ENTREP2: variants seen among roughly 807,000 people sequenced by gnomAD.
The protein encoded by ENTREP2 is endosomal transmembrane epsin interactor 2.
At chr15:29,250,782 T>C in the ENTREP2 span, among the ~76,000 whole-genome samples, 1 of 152,178 alleles carries the variant, frequency 6.6e-6, no homozygotes, top group Non-Finnish European at 1.5e-5. Flanking sequence ...GAATACAAGA[T>C]GGCAAGTTAT....
chr15:29,136,311 C>T, the ENTREP2 span: 33,717 of 1,440,624 alleles, frequency 0.023, 475 homozygotes, highest in Non-Finnish European at 0.027. Context: ...CAGGCCGGGA[C>T]GGTGTCCCTA....
chr15:29,672,277 C>T, the ENTREP2 span, among the ~76,000 whole-genome samples: 16 of 152,106 alleles, frequency 1.1e-4, no homozygotes, highest in Admixed American at 2.6e-4. Flanking sequence ...CATGAGCCAC[C>T]GCGCCCGGTT....
the ENTREP2 span, among the ~76,000 whole-genome samples, chr15:29,170,195 C>A: frequency 2.7e-4 from 41 of 150,962 alleles, no homozygotes; most frequent in South Asian, 6.7e-3. Context: ...GTAGTCCCAG[C>A]TACTCAGGAG....
chr15:29,621,442 G>C, the ENTREP2 span, among the ~76,000 whole-genome samples: 205 of 140,846 alleles, frequency 1.5e-3, 1 homozygote, highest in African/African-American at 5.1e-3. Context: ...AGAATGGCGT[G>C]AACCCAGGAG....
chr15:29,530,197 G>C, the ENTREP2 span, among the ~76,000 whole-genome samples: 6 of 152,128 alleles, frequency 3.9e-5, 1 homozygote, highest in African/African-American at 1.4e-4. Flanking sequence ...TCCACCTGCA[G>C]CTGCCTTCTC....
At chr15:29,530,097 A>G in the ENTREP2 span, among the ~76,000 whole-genome samples, 15 of 152,114 alleles carry the variant, frequency 9.9e-5, no homozygotes, top group African/African-American at 3.6e-4. Context: ...TTTCCCGCTC[A>G]CATCTCCCAT....
the ENTREP2 span, among the ~76,000 whole-genome samples, chr15:29,411,295 A>G: frequency 6.6e-6 from 1 of 152,154 alleles, no homozygotes; most frequent in Non-Finnish European, 1.5e-5. Flanking sequence ...TGTATTCCAG[A>G]GTGGTCCCAC....
the ENTREP2 span, among the ~76,000 whole-genome samples, chr15:29,176,131 T>A: frequency 2.4e-4 from 36 of 151,876 alleles, no homozygotes; most frequent in African/African-American, 8.5e-4. Context: ...AGTACTTGGT[T>A]AATGTTCATA....
the ENTREP2 span, among the ~76,000 whole-genome samples, chr15:29,471,445 A>G: frequency 2.0e-5 from 3 of 152,220 alleles, no homozygotes; most frequent in African/African-American, 7.2e-5. Flanking sequence ...TAGGCACAGG[A>G]GAGAACAGAA....
chr15:29,548,426 G>C, the ENTREP2 span, among the ~76,000 whole-genome samples: 1 of 149,572 alleles, frequency 6.7e-6, no homozygotes, highest in African/African-American at 2.5e-5. Context: ...CTGCACTCCA[G>C]CCTGGGCAAG....
At chr15:29,376,590 T>A in the ENTREP2 span, 1 of 151,068 alleles carries the variant, frequency 6.6e-6, no homozygotes, top group Non-Finnish European at 1.5e-5. Flanking sequence ...ACACACAGCA[T>A]TTCCCTTCTT....
At chr15:29,655,603 T>TA in the ENTREP2 span, among the ~76,000 whole-genome samples, 1 of 152,158 alleles carries the variant, frequency 6.6e-6, no homozygotes, top group Admixed American at 6.5e-5. Flanking sequence ...AAATTTAAGA[T>TA]AACTATTATT....
chr15:29,368,477 C>T, the ENTREP2 span, among the ~76,000 whole-genome samples: 9 of 151,060 alleles, frequency 6.0e-5, no homozygotes, highest in African/African-American at 1.7e-4. Flanking sequence ...GTTATTTAAA[C>T]GTATTAAAAG....
chr15:29,272,870 G>A, the ENTREP2 span, among the ~76,000 whole-genome samples: 41 of 152,198 alleles, frequency 2.7e-4, no homozygotes, highest in African/African-American at 8.9e-4. Context: ...AACCCTGACT[G>A]CATGTCTTCC....
At chr15:29,479,576 G>C in the ENTREP2 span, among the ~76,000 whole-genome samples, 1 of 151,824 alleles carries the variant, frequency 6.6e-6, no homozygotes, top group African/African-American at 2.4e-5. Flanking sequence ...ACCCCTAAGG[G>C]CTACTGTGAA....
the ENTREP2 span, among the ~76,000 whole-genome samples, chr15:29,428,296 C>T: frequency 2.0e-5 from 3 of 152,184 alleles, no homozygotes; most frequent in Non-Finnish European, 2.9e-5. Flanking sequence ...TCACTGCAAC[C>T]GCTGCCCCAT....
At chr15:29,147,636 T>G in the ENTREP2 span, among the ~76,000 whole-genome samples, 1 of 152,116 alleles carries the variant, frequency 6.6e-6, no homozygotes, top group Non-Finnish European at 1.5e-5. Context: ...TGGTTACAAT[T>G]AAAAGAAAGA....
At chr15:29,308,025 G>A in the ENTREP2 span, among the ~76,000 whole-genome samples, 1 of 152,130 alleles carries the variant, frequency 6.6e-6, no homozygotes, top group Non-Finnish European at 1.5e-5. Flanking sequence ...AAGTAATAAT[G>A]TGTTTATATA....
the ENTREP2 span, among the ~76,000 whole-genome samples, chr15:29,564,544 C>T: frequency 6.6e-6 from 1 of 152,310 alleles, no homozygotes; most frequent in East Asian, 1.9e-4. Context: ...ACCACATCGA[C>T]GCTGATTCTC....
Sources: gnomAD v4.1 joint callset for allele counts (sites outside exome capture counted in the v4.1 genomes callset) on GRCh38, gnomAD v4.1.1 for gene constraint, MANE v1.5 for transcripts, NCBI Gene and HGNC (gene_info 2026-07-23, HGNC 2026-07-21) for gene names.